UBTD1: variants seen among roughly 807,000 people sequenced by gnomAD.
UBTD1 encodes ubiquitin domain-containing protein 1.
UBTD1 carries 19 observed loss-of-function variants against 21.7 expected under a neutral mutation model. That is an observed-to-expected ratio of 0.87 (90% CI 0.61 to 1.28). UBTD1 has a LOEUF of 1.28. UBTD1 is among the 50% of genes most tolerant of loss of function. The probability of loss-of-function intolerance (pLI) is 0.00; values close to 1 mark genes in which losing one functional copy is unlikely to be tolerated. For synonymous variants in UBTD1, 116 were observed against 135.1 expected (o/e 0.86, Z 0.98); for missense variants, 282 against 315.1 (o/e 0.89, Z 0.80).
chr10:97,526,670 G>C (rs772840709), intron 1 of UBTD1, among the ~76,000 whole-genome samples: 68 of 152,006 alleles, frequency 4.5e-4, no homozygotes, highest in Middle Eastern at 3.4e-3. Flanking sequence ...GGCCAACATG[G>C]TGAAACCCCA....
intron 1 of UBTD1, among the ~76,000 whole-genome samples, chr10:97,560,049 A>G (rs1203082527): frequency 6.6e-6 from 1 of 152,034 alleles, no homozygotes; most frequent in Admixed American, 6.6e-5. Flanking sequence ...TTTTTGCATA[A>G]ATTTTTTATA....
At chr10:97,558,340 G>A (rs1178952057) in intron 1 of UBTD1, among the ~76,000 whole-genome samples, 10 of 152,288 alleles carry the variant, frequency 6.6e-5, no homozygotes, top group Non-Finnish European at 1.0e-4. Context: ...TCTAGCATTC[G>A]TTAGCTAATG....
intron 1 of UBTD1, among the ~76,000 whole-genome samples, chr10:97,564,342 C>G (rs776461616): frequency 6.6e-6 from 1 of 152,176 alleles, no homozygotes; most frequent in African/African-American, 2.4e-5. Flanking sequence ...TGACATATTT[C>G]GAAATGGCCC....
At position 97,532,519 on chromosome 10, in the gene UBTD1, C is replaced by T. The variant is rs192417112; in HGVS notation, c.70+33246C>T. Among the ~76,000 whole-genome samples the T allele has an allele frequency of 2.4e-3, 368 of 152,262 alleles. 2 individuals are homozygous for T. The highest frequency in any genetic ancestry group is 4.4e-3 in the Non-Finnish European group (302 of 68,014). On this transcript the variant is annotated intron_variant, in intron 1 of 2. Transcript: ENST00000370664. ...AAAAATTAGCCAGGCGAGGCTAGTG[C>T]GGTGGCTCACGCCTGTAATCCCAGC... is the stretch of plus-strand genomic sequence containing the variant.
At chr10:97,499,303 G>T in intron 1 of UBTD1, 30 bp downstream of exon 1, 1 of 1,543,106 alleles carries the variant, frequency 6.5e-7, no homozygotes, top group Non-Finnish European at 8.8e-7. Context: ...CAGGGCCTCG[G>T]GCATCCCGCC....
chr10:97,558,114 C>T (rs947636324), intron 1 of UBTD1, among the ~76,000 whole-genome samples: 2 of 151,416 alleles, frequency 1.3e-5, no homozygotes, highest in African/African-American at 2.4e-5. Flanking sequence ...CAGGGGTTGG[C>T]GAAGCTGCTC....
chr10:97,566,650 C>G (rs1211997930), intron 1 of UBTD1, among the ~76,000 whole-genome samples: 1 of 152,346 alleles, frequency 6.6e-6, no homozygotes, highest in Middle Eastern at 3.4e-3. Flanking sequence ...TAAATAAAGG[C>G]TTGCCTGGGG....
intron 1 of UBTD1, among the ~76,000 whole-genome samples, chr10:97,526,281 T>C (rs924786159): frequency 1.3e-5 from 2 of 152,232 alleles, no homozygotes; most frequent in African/African-American, 2.4e-5. Context: ...ACCTTAAAAC[T>C]ATCCCTGCTC....
At position 97,538,279 on chromosome 10, in the gene UBTD1, G is replaced by T. The variant is rs182768769; in HGVS notation, c.71-29635G>T. On this transcript the variant is annotated intron_variant, in intron 1 of 2. Coordinates refer to ENST00000370664, the MANE Select transcript of UBTD1 (RefSeq NM_024954.5). ...GGCTGAGGTGAGAGGATCCCTTGAG[G>T]CTAGGGGTTTAAGACCAACCTGGGC... Among the ~76,000 whole-genome samples the T allele has an allele frequency of 4.1e-4, 63 of 152,174 alleles. 1 individual carries two copies. The East Asian group carries it at 0.011, about 26-fold the overall frequency.
intron 1 of UBTD1, among the ~76,000 whole-genome samples, chr10:97,522,840 T>C (rs2040471841): frequency 1.3e-5 from 2 of 152,258 alleles, no homozygotes; most frequent in Middle Eastern, 3.4e-3. Context: ...AGCCAGGGTG[T>C]GATGGCTGAG....
chr10:97,567,864 C>T, intron 1 of UBTD1, 50 bp from the exon 2 acceptor site: 2 of 1,587,402 alleles, frequency 1.3e-6, no homozygotes, highest in South Asian at 2.2e-5. Flanking sequence ...GGGCAGGTTG[C>T]AGCTCAAGTG....
At chr10:97,517,239 G>T (rs1279947600) in intron 1 of UBTD1, among the ~76,000 whole-genome samples, 2 of 152,162 alleles carry the variant, frequency 1.3e-5, no homozygotes, top group Non-Finnish European at 1.5e-5. Context: ...GGGCTCTGGG[G>T]AGGGGCCTGG....
At chr10:97,566,545 T>C (rs762479649) in intron 1 of UBTD1, among the ~76,000 whole-genome samples, 9 of 152,238 alleles carry the variant, frequency 5.9e-5, no homozygotes, top group Non-Finnish European at 1.3e-4. Context: ...GGGCAAGTCA[T>C]TTAATCTCTC....
At chr10:97,556,251 G>T (rs1170166648) in intron 1 of UBTD1, among the ~76,000 whole-genome samples, 1 of 152,110 alleles carries the variant, frequency 6.6e-6, no homozygotes, top group African/African-American at 2.4e-5. Context: ...CTTGCATGGG[G>T]GCATGTGCCA....
At chr10:97,533,450 C>T (rs113688502) in intron 1 of UBTD1, among the ~76,000 whole-genome samples, 362 of 152,268 alleles carry the variant, frequency 2.4e-3, no homozygotes, top group African/African-American at 8.2e-3. Flanking sequence ...CATGGAAGGC[C>T]GCCTATATTC....
intron 1 of UBTD1, among the ~76,000 whole-genome samples, chr10:97,528,021 C>T (rs1356984657): frequency 6.6e-6 from 1 of 150,430 alleles, no homozygotes; most frequent in African/African-American, 2.4e-5. Flanking sequence ...CCAGTAGAGG[C>T]GGCCGGGCAG....
chr10:97,510,717 C>T (rs1272144845), intron 1 of UBTD1, among the ~76,000 whole-genome samples: 2 of 152,154 alleles, frequency 1.3e-5, no homozygotes, highest in Admixed American at 6.5e-5. Flanking sequence ...TCAGTGTGTC[C>T]TGGGTTATCT....
At chr10:97,499,406 C>T (rs2040311623) in intron 1 of UBTD1, 133 bp downstream of exon 1, 2 of 1,159,414 alleles carry the variant, frequency 1.7e-6, no homozygotes. Flanking sequence ...GCTCCGCAGC[C>T]AGAGGGGGCC....
intron 1 of UBTD1, among the ~76,000 whole-genome samples, chr10:97,515,796 G>A (rs1282242764): frequency 6.6e-6 from 1 of 152,152 alleles, no homozygotes; most frequent in African/African-American, 2.4e-5. Flanking sequence ...GGCACAGCCT[G>A]GGTCACATCT....
Sources: allele counts gnomAD v4.1 joint callset (sites outside exome capture counted in the v4.1 genomes callset), GRCh38; gene constraint gnomAD v4.1.1; transcripts MANE v1.5; gene names NCBI Gene and HGNC (gene_info 2026-07-23, HGNC 2026-07-21).